The following SPMIP2 variants were observed in gnomAD, a reference collection of about 807,000 sequenced individuals.
SPMIP2 encodes the protein sperm microtubule inner protein 2.
chr4:158,991,489 G>A, the SPMIP2 span, among the ~76,000 whole-genome samples: 1 of 152,146 alleles, frequency 6.6e-6, no homozygotes, highest in Non-Finnish European at 1.5e-5. Context: ...CTCAGAAAAC[G>A]AATCTCAGCT....
chr4:159,079,584 G>A, the SPMIP2 span, among the ~76,000 whole-genome samples: 4 of 152,312 alleles, frequency 2.6e-5, no homozygotes, highest in African/African-American at 7.2e-5. Context: ...AAGACTTGGG[G>A]TTTTTGTATT....
the SPMIP2 span, among the ~76,000 whole-genome samples, chr4:159,048,731 CTTTTT>C: frequency 2.1e-4 from 23 of 111,480 alleles, no homozygotes; most frequent in African/African-American, 7.7e-4. Flanking sequence ...TCCCCTTCCA[CTTTTT>C]TTTTTTTTTT....
chr4:158,952,110 A>C, the SPMIP2 span, among the ~76,000 whole-genome samples: 1 of 152,218 alleles, frequency 6.6e-6, no homozygotes, highest in South Asian at 2.1e-4. Context: ...TTGCTGATCC[A>C]CTGTCTCTGA....
At chr4:158,923,763 G>A in the SPMIP2 span, among the ~76,000 whole-genome samples, 5 of 152,140 alleles carry the variant, frequency 3.3e-5, no homozygotes, top group African/African-American at 1.2e-4. Context: ...TAGACATAGT[G>A]AGAACTGACA....
the SPMIP2 span, among the ~76,000 whole-genome samples, chr4:158,910,377 G>A: frequency 3.3e-5 from 5 of 152,002 alleles, no homozygotes; most frequent in South Asian, 2.1e-4. Context: ...GGGTTCAGGC[G>A]ATTCTCCTGC....
the SPMIP2 span, among the ~76,000 whole-genome samples, chr4:159,028,116 A>G: frequency 2.0e-5 from 3 of 152,184 alleles, no homozygotes; most frequent in African/African-American, 7.2e-5. Context: ...TCCTTCTTAC[A>G]AGGCTGTGTG....
the SPMIP2 span, chr4:158,895,928 A>AG: frequency 5.6e-6 from 7 of 1,246,376 alleles, no homozygotes; most frequent in Non-Finnish European, 8.1e-6. Context: ...TGTACCCACT[A>AG]ACGTGTTTAG....
chr4:158,978,274 G>A, the SPMIP2 span, among the ~76,000 whole-genome samples: 3 of 152,174 alleles, frequency 2.0e-5, no homozygotes, highest in Non-Finnish European at 2.9e-5. Context: ...TTGCACTGTG[G>A]TCTGAGAGAC....
At chr4:158,977,724 C>T in the SPMIP2 span, among the ~76,000 whole-genome samples, 2 of 150,866 alleles carry the variant, frequency 1.3e-5, no homozygotes, top group African/African-American at 4.9e-5. Flanking sequence ...ACGCCATTCT[C>T]CTGCCTCAGC....
chr4:158,951,544 G>A, the SPMIP2 span, among the ~76,000 whole-genome samples: 9 of 152,176 alleles, frequency 5.9e-5, no homozygotes, highest in Non-Finnish European at 1.3e-4. Context: ...AATGAAGAAT[G>A]AATGTTAAAT....
the SPMIP2 span, among the ~76,000 whole-genome samples, chr4:159,056,555 T>A: frequency 1.3e-5 from 2 of 152,192 alleles, no homozygotes; most frequent in Non-Finnish European, 2.9e-5. Context: ...ACAAAGAACA[T>A]CGAGGCATGG....
the SPMIP2 span, among the ~76,000 whole-genome samples, chr4:158,999,469 A>C: frequency 6.6e-6 from 1 of 152,192 alleles, no homozygotes; most frequent in Non-Finnish European, 1.5e-5. Context: ...CAACCTTGTA[A>C]ATATATAATA....
the SPMIP2 span, among the ~76,000 whole-genome samples, chr4:159,026,801 C>G: frequency 6.6e-6 from 1 of 151,268 alleles, no homozygotes; most frequent in East Asian, 1.9e-4. Flanking sequence ...TTAAATAAAG[C>G]CATGGAAAGG....
At chr4:159,026,070 G>A in the SPMIP2 span, 59 of 204,824 alleles carry the variant, frequency 2.9e-4, no homozygotes, top group Admixed American at 3.1e-3. Context: ...TTCACAGTGC[G>A]CTGCCCATGC....
the SPMIP2 span, among the ~76,000 whole-genome samples, chr4:158,919,229 G>A: frequency 6.6e-6 from 1 of 152,096 alleles, no homozygotes; most frequent in Admixed American, 6.5e-5. Context: ...GAAAATTAAC[G>A]TTTTTATATT....
the SPMIP2 span, among the ~76,000 whole-genome samples, chr4:158,940,329 A>G: frequency 6.6e-6 from 1 of 152,178 alleles, no homozygotes; most frequent in African/African-American, 2.4e-5. Flanking sequence ...ATATACAGTC[A>G]CATTCTGAGG....
chr4:159,018,277 T>C, the SPMIP2 span, among the ~76,000 whole-genome samples: 1 of 152,286 alleles, frequency 6.6e-6, no homozygotes, highest in Admixed American at 6.5e-5. Flanking sequence ...ACTGCTGTTG[T>C]ATTGAAATGA....
the SPMIP2 span, chr4:158,973,100 C>T: frequency 6.3e-7 from 1 of 1,594,466 alleles, no homozygotes; most frequent in Non-Finnish European, 8.6e-7. Context: ...AGCCACTCCC[C>T]AGTCTTGATT....
the SPMIP2 span, among the ~76,000 whole-genome samples, chr4:158,985,999 CAG>C: frequency 6.8e-6 from 1 of 146,346 alleles, no homozygotes; most frequent in African/African-American, 2.5e-5. Flanking sequence ...AACAGACAAA[CAG>C]AGAGCCAAAT....
Sources: allele counts gnomAD v4.1 joint callset (sites outside exome capture counted in the v4.1 genomes callset), GRCh38; gene constraint gnomAD v4.1.1; transcripts MANE v1.5; gene names NCBI Gene and HGNC (gene_info 2026-07-23, HGNC 2026-07-21).